The following SNX8 variants were observed in gnomAD, a reference collection of about 807,000 sequenced individuals.
SNX8 encodes sorting nexin-8.
Under a neutral mutation model 51.6 loss-of-function variants are expected in SNX8, and 25 were observed. The ratio of observed to expected loss-of-function variants is 0.48; its 90% CI spans 0.35 to 0.68. SNX8 has a LOEUF of 0.68. Ranked by LOEUF, SNX8 falls within the 30% of genes least tolerant of loss-of-function variation. SNX8 has a pLI of 0.00. For missense variants in SNX8, 695 were observed against 624.0 expected, an observed-to-expected ratio of 1.11 and a Z score of -1.21; for synonymous variants, 324 against 277.0, an observed-to-expected ratio of 1.17 and a Z score of -1.68.
At chr7:2,281,068 C>G (rs903034196) in intron 1 of SNX8, among the ~76,000 whole-genome samples, 1 of 152,026 alleles carries the variant, frequency 6.6e-6, no homozygotes, top group Admixed American at 6.5e-5. Context: ...GCTGGGATTA[C>G]AGGCATGAGA....
At chr7:2,311,699 A>G (rs1796660180) in intron 1 of SNX8, among the ~76,000 whole-genome samples, 1 of 152,094 alleles carries the variant, frequency 6.6e-6, no homozygotes, top group South Asian at 2.1e-4. Context: ...GCACTTTGGG[A>G]GGCCGAGGCG....
Position 2,253,656 on chromosome 7 carries a change from A to G in SNX8, c.*1400T>C, listed in dbSNP as rs1194882180. On this transcript the variant is annotated 3_prime_UTR_variant, in exon 11 of 11. Transcript: ENST00000222990. The stretch of plus-strand genomic sequence containing the variant: ...CAGGCTGGGCCCGAGCCCCACAGCC[A>G]CCGAGTCAGCACAGCCCACGGGGCC... The G allele has an allele frequency of 6.6e-6, 1 of 152,528 alleles. No individual in the cohort carries two copies. Among genetic ancestry groups the G allele is most frequent in the East Asian group, 1.9e-4 (1 of 5,172 alleles). The allele number at this position is 152,528 out of a possible 1,614,324, so 9.4% of individuals were successfully genotyped here. A position where few individuals can be genotyped will look rare whatever the true frequency, so the allele number is the denominator to read the frequency against.
At chr7:2,311,460 C>T (rs560023503) in intron 1 of SNX8, among the ~76,000 whole-genome samples, 15 of 152,248 alleles carry the variant, frequency 9.9e-5, no homozygotes, top group African/African-American at 3.1e-4. Flanking sequence ...TGGGCTCGGG[C>T]GATCCTCCCT....
intron 2 of SNX8, among the ~76,000 whole-genome samples, chr7:2,275,491 G>C (rs1442775567): frequency 2.6e-5 from 4 of 151,524 alleles, no homozygotes; most frequent in Non-Finnish European, 5.9e-5. Flanking sequence ...CCTGAGGTCA[G>C]GAGTTAAAGA....
intron 1 of SNX8, among the ~76,000 whole-genome samples, chr7:2,340,874 A>AG (rs1562463507): frequency 1.3e-5 from 2 of 149,758 alleles, no homozygotes; most frequent in African/African-American, 5.0e-5. Context: ...AAAAAAAAAA[A>AG]AAAAAAAAAA....
At chr7:2,275,004 CT>C in intron 3 of SNX8, 107 bp downstream of exon 3, 2 of 792,824 alleles carry the variant, frequency 2.5e-6, no homozygotes, top group Admixed American at 3.7e-5. Context: ...CCCCGCAGCC[CT>C]GCACCTGCCC....
At chr7:2,298,407 TCC>T (rs1796319936) in intron 1 of SNX8, among the ~76,000 whole-genome samples, 1 of 152,048 alleles carries the variant, frequency 6.6e-6, no homozygotes, top group South Asian at 2.1e-4. Flanking sequence ...TCTCATTCTG[TCC>T]CCCAGGCTGG....
chr7:2,270,347 G>A (rs933993216), intron 4 of SNX8, among the ~76,000 whole-genome samples: 4 of 89,292 alleles, frequency 4.5e-5, no homozygotes, highest in African/African-American at 1.9e-4. Context: ...AAAAAGACCT[G>A]AGGCCCAGCA....
At chr7:2,309,327 TC>T (rs1401842241) in intron 1 of SNX8, among the ~76,000 whole-genome samples, 6 of 152,106 alleles carry the variant, frequency 3.9e-5, no homozygotes, top group Non-Finnish European at 5.9e-5. Flanking sequence ...TTTGAGATCA[TC>T]CTTCCTGGCC....
chr7:2,340,597 C>G (rs1223867178), intron 1 of SNX8, among the ~76,000 whole-genome samples: 1 of 151,208 alleles, frequency 6.6e-6, no homozygotes, highest in African/African-American at 2.4e-5. Context: ...TGGCTCACGC[C>G]TGTAATCCCA....
At chr7:2,258,829 GC>G (rs1201729976) in intron 7 of SNX8, among the ~76,000 whole-genome samples, 1 of 152,198 alleles carries the variant, frequency 6.6e-6, no homozygotes, top group Non-Finnish European at 1.5e-5. Context: ...CACAGAGAGA[GC>G]CCAACAGGGC....
chr7:2,268,516 C>T (rs1416631425), intron 5 of SNX8, among the ~76,000 whole-genome samples: 30 of 144,968 alleles, frequency 2.1e-4, no homozygotes, highest in African/African-American at 3.1e-4. Flanking sequence ...TCAGCCCCCC[C>T]GCCCGGCCAG....
chr7:2,314,449 T>G, upstream of SNX8: 1 of 1,204,622 alleles, frequency 8.3e-7, no homozygotes, highest in Non-Finnish European at 1.0e-6. Flanking sequence ...CGTGACTTCC[T>G]CCCGCGCCAC....
intron 1 of SNX8, among the ~76,000 whole-genome samples, chr7:2,325,273 T>C (rs1354776083): frequency 2.6e-5 from 4 of 152,162 alleles, no homozygotes; most frequent in African/African-American, 9.6e-5. Context: ...CCCAAAGTGC[T>C]GGGACTGTAG....
intron 1 of SNX8, among the ~76,000 whole-genome samples, chr7:2,340,291 C>G (rs373895653): frequency 6.6e-6 from 1 of 151,124 alleles, no homozygotes; most frequent in Non-Finnish European, 1.5e-5. Flanking sequence ...AGGCTGGTCT[C>G]GAACTCCCGA....
At chr7:2,294,989 C>T (rs1212019550) in intron 1 of SNX8, among the ~76,000 whole-genome samples, 1 of 152,076 alleles carries the variant, frequency 6.6e-6, no homozygotes, top group Non-Finnish European at 1.5e-5. Context: ...TATGATTGTG[C>T]CACTGCATTC....
chr7:2,346,145 T>C (rs1379542146), intron 1 of SNX8, among the ~76,000 whole-genome samples: 3 of 152,052 alleles, frequency 2.0e-5, no homozygotes, highest in East Asian at 1.9e-4. Flanking sequence ...TATAAATCAA[T>C]AAAAATACCA....
Position 2,263,337 on chromosome 7 carries a change from G to A in SNX8, c.808C>T (p.Leu270=). Reference sequence around the variant, plus strand: ...CTATTCAGAGCGGCCCAGGAGGGCAGCGGGGTCGTGTCAGACCCTATTGCA... The same window carrying A: ...CTATTCAGAGCGGCCCAGGAGGGCAACGGGGTCGTGTCAGACCCTATTGCA... ...LSAIGSDTTP[L]PSWAALNSST... is the part of the protein sequence containing the mutation. The change falls in exon 7 of 11, where the codon CTG becomes TTG. Residue 270 remains leucine (L), a synonymous_variant. Coordinates refer to ENST00000222990, the MANE Select transcript of SNX8 (RefSeq NM_013321.4). The A allele has an allele frequency of 6.2e-7, 1 of 1,609,720 alleles. No individual in the cohort carries two copies. Among genetic ancestry groups the A allele is most frequent in the Non-Finnish European group, 8.5e-7 (1 of 1,178,154 alleles).
intron 7 of SNX8, among the ~76,000 whole-genome samples, chr7:2,258,299 G>A (rs1380490438): frequency 2.6e-5 from 4 of 152,128 alleles, no homozygotes; most frequent in Non-Finnish European, 4.4e-5. Context: ...ACAGGCGTGA[G>A]CCACCGCGCT....
Sources: allele counts gnomAD v4.1 joint callset (sites outside exome capture counted in the v4.1 genomes callset), GRCh38; gene constraint gnomAD v4.1.1; transcripts MANE v1.5; gene names NCBI Gene and HGNC (gene_info 2026-07-23, HGNC 2026-07-21).